HERC1: variants seen among roughly 807,000 people sequenced by gnomAD.
HERC1 encodes probable E3 ubiquitin-protein ligase HERC1.
Under a neutral mutation model 554.3 loss-of-function variants are expected in HERC1, and 160 were observed. The ratio of observed to expected loss-of-function variants is 0.29; its 90% CI spans 0.25 to 0.33. HERC1 has a LOEUF of 0.33. HERC1 is among the 10% of genes least tolerant of loss of function. The probability of loss-of-function intolerance (pLI) is 1.00; values close to 1 mark genes in which losing one functional copy is unlikely to be tolerated. For synonymous variants in HERC1, 2,175 were observed against 2,131.7 expected, an observed-to-expected ratio of 1.02 and a Z score of -0.56; for missense variants, 4,919 against 5,918.5, an observed-to-expected ratio of 0.83 and a Z score of 5.54.
At chr15:63,747,927 A>G in intron 10 of HERC1, 69 bp from the exon 11 acceptor site, 1 of 1,442,754 alleles carries the variant, frequency 6.9e-7, no homozygotes, top group South Asian at 1.4e-5. Context: ...TCAAAAACGA[A>G]AATTAAAACA....
rs781012109 is a variant in HERC1 at position 63,678,253 on chromosome 15, C to T, written c.6662G>A (p.Arg2221His). 5.6e-6 allele frequency: 9 copies of T among 1,613,590 alleles called. No homozygotes were observed. Among genetic ancestry groups the T allele is most frequent in the Non-Finnish European group, 7.6e-6 (9 of 1,179,772 alleles). ...CCAACGGTCTGTTCGGTGAAGGATACGGATGAGCTGAATAGTGGCCTCAGC... is the reference window on the plus strand; with the variant it reads ...CCAACGGTCTGTTCGGTGAAGGATATGGATGAGCTGAATAGTGGCCTCAGC... ...VLAEATIQLI[R>H]ILHRTDRWTY... The change falls in exon 37 of 78, where the codon CGT (arginine) becomes CAT (histidine). Residue 2221 changes from arginine (R) to histidine (H), a missense_variant. By Grantham distance (29) the Arg-to-His change is conservative. This residue lies in a region of HERC1 where 1,963 missense variants were observed against 2,228.6 expected (regional missense o/e 0.88). Coordinates refer to ENST00000443617, the MANE Select transcript of HERC1 (RefSeq NM_003922.4).
At position 63,802,933 on chromosome 15, in the gene HERC1, C is replaced by T. The variant is rs191895695; in HGVS notation, c.-26-27284G>A. Among the ~76,000 whole-genome samples the T allele has an allele frequency of 3.4e-3, 518 of 152,256 alleles. 6 individuals carry two copies. Among genetic ancestry groups the T allele is most frequent in the African/African-American group, 0.012 (485 of 41,540 alleles). On this transcript the variant is annotated intron_variant, in intron 1 of 77. Transcript: ENST00000443617. ...GAGCAACTCTATAAAATAGGGGCTG[C>T]GTGTGGTGGCTCATGCCTATAATCC...
chr15:63,613,183 T>C (rs1386713508), intron 76 of HERC1, among the ~76,000 whole-genome samples: 1 of 152,182 alleles, frequency 6.6e-6, no homozygotes, highest in African/African-American at 2.4e-5. Context: ...ACTCTCTTAA[T>C]TTTTCCGTCT....
chr15:63,740,629 G>C, intron 12 of HERC1, among the ~76,000 whole-genome samples: 1 of 152,202 alleles, frequency 6.6e-6, no homozygotes, highest in Admixed American at 6.5e-5. Context: ...TGGGTGTGAA[G>C]TGGTATCTCA....
At chr15:63,684,606 A>C (rs1364141530) in intron 34 of HERC1, among the ~76,000 whole-genome samples, 1 of 152,236 alleles carries the variant, frequency 6.6e-6, no homozygotes, top group Non-Finnish European at 1.5e-5. Flanking sequence ...CATACAGAGA[A>C]AAAACAAAAA....
intron 1 of HERC1, among the ~76,000 whole-genome samples, chr15:63,827,788 G>A (rs767428110): frequency 6.6e-6 from 1 of 152,106 alleles, no homozygotes; most frequent in Non-Finnish European, 1.5e-5. Context: ...TTCACATAAC[G>A]GAATAACATT....
Position 63,642,989 on chromosome 15 carries a change from C to T in HERC1, c.11401G>A (p.Val3801Ile), listed in dbSNP as rs2069149150. ...CTATTTGAGCAAGCAGCTACTCCAA[C>T]TTCTGGAATCCATACTGTGGTCTGA... The part of the protein sequence containing the change: ...AIQTTVWIPE[V>I]GVAACSNRSK... The change falls in exon 59 of 78, where the codon GTT (valine) becomes ATT (isoleucine). Residue 3801 changes from valine to isoleucine, a missense_variant. By Grantham distance (29) the Val-to-Ile change is conservative. Around this residue, in one of 11 missense-constraint regions of HERC1, gnomAD observed 1,963 missense variants for 2,228.6 expected, o/e 0.88. Transcript: ENST00000443617. The T allele has an allele frequency of 6.2e-7, 1 of 1,611,788 alleles. No individual in the cohort carries two copies. Among genetic ancestry groups the T allele is most frequent in the Non-Finnish European group, 8.5e-7 (1 of 1,178,246 alleles).
intron 70 of HERC1, 113 bp downstream of exon 70, chr15:63,628,564 G>C: frequency 1.8e-6 from 2 of 1,114,632 alleles, no homozygotes; most frequent in Admixed American, 6.0e-5. Flanking sequence ...GTGGCAGAAG[G>C]CTTGATGGTT....
intron 12 of HERC1, among the ~76,000 whole-genome samples, chr15:63,737,788 G>A (rs992586383): frequency 1.3e-4 from 19 of 151,780 alleles, no homozygotes; most frequent in African/African-American, 4.1e-4. Context: ...AGCATCTAGA[G>A]AGAAAAACAG....
intron 16 of HERC1, among the ~76,000 whole-genome samples, chr15:63,728,480 A>T (rs2074127102): frequency 1.3e-5 from 2 of 152,192 alleles, no homozygotes; most frequent in South Asian, 4.1e-4. Flanking sequence ...TCTAATGAGG[A>T]AAGGTTTCAG....
At chr15:63,778,774 C>A (rs1449586691) in intron 1 of HERC1, among the ~76,000 whole-genome samples, 1 of 152,018 alleles carries the variant, frequency 6.6e-6, no homozygotes, top group East Asian at 1.9e-4. Flanking sequence ...GAAAACAAAA[C>A]AAAATTAAAT....
chr15:63,614,073 A>C (rs1438211338), intron 76 of HERC1, among the ~76,000 whole-genome samples: 1 of 151,092 alleles, frequency 6.6e-6, no homozygotes, highest in Non-Finnish European at 1.5e-5. Context: ...TTATGGGATA[A>C]ACACTCAGTT....
chr15:63,707,427 C>A (rs1014734399), intron 24 of HERC1, among the ~76,000 whole-genome samples: 1 of 152,186 alleles, frequency 6.6e-6, no homozygotes, highest in Admixed American at 6.5e-5. Context: ...TGAAGGCTTA[C>A]AAGAAGAATG....
intron 56 of HERC1, 67 bp downstream of exon 56, chr15:63,645,416 C>T: frequency 1.7e-6 from 2 of 1,196,666 alleles, no homozygotes; most frequent in Non-Finnish European, 2.3e-6. Flanking sequence ...AGAAGCCACA[C>T]TTAATGCAGA....
chr15:63,645,416 CTT>C (rs1185983116), intron 56 of HERC1, 65 bp downstream of exon 56: 11 of 1,196,666 alleles, frequency 9.2e-6, no homozygotes, highest in East Asian at 2.4e-5. Context: ...AGAAGCCACA[CTT>C]AATGCAGATA....
intron 43 of HERC1, 89 bp from the exon 44 acceptor site, chr15:63,663,293 G>T: frequency 9.6e-7 from 1 of 1,041,010 alleles, no homozygotes; most frequent in Non-Finnish European, 1.5e-6. Context: ...ACATGTAGGT[G>T]AGAACCTATC....
At chr15:63,711,833 G>A (rs1461868152) in intron 24 of HERC1, among the ~76,000 whole-genome samples, 2 of 152,090 alleles carry the variant, frequency 1.3e-5, no homozygotes, top group Non-Finnish European at 2.9e-5. Flanking sequence ...TACCATCTTC[G>A]TATCACACAG....
chr15:63,635,101 G>A (rs2068724985), intron 65 of HERC1, among the ~76,000 whole-genome samples: 2 of 151,832 alleles, frequency 1.3e-5, no homozygotes, highest in African/African-American at 4.8e-5. Context: ...AGGCTGGAGT[G>A]CAGTGGTGTG....
chr15:63,650,374 AAAATAAATAAAT>A (rs556654636), intron 53 of HERC1, among the ~76,000 whole-genome samples: 2 of 152,010 alleles, frequency 1.3e-5, no homozygotes, highest in Admixed American at 1.3e-4. Flanking sequence ...ACTCCGTCTC[AAAATAAATAAAT>A]AAATAAATAA....
Sources: gnomAD v4.1 joint callset for allele counts (sites outside exome capture counted in the v4.1 genomes callset) on GRCh38, gnomAD v4.1.1 for gene constraint, gnomAD v4.1.1 regional missense constraint, MANE v1.5 for transcripts, NCBI Gene and HGNC (gene_info 2026-07-23, HGNC 2026-07-21) for gene names.